Variants in PDE4B observed in about 807,000 individuals in gnomAD.
The protein encoded by PDE4B is 3',5'-cyclic-AMP phosphodiesterase 4B.
PDE4B carries 20 observed loss-of-function variants against 82.2 expected under a neutral mutation model. The observed-to-expected ratio is 0.24, with a 90% confidence interval of 0.17 to 0.35. The LOEUF (loss-of-function observed/expected upper bound fraction) is 0.35, where lower values mean the gene tolerates loss of function less well. Ranked by LOEUF, PDE4B falls within the 10% of genes least tolerant of loss-of-function variation. The probability of loss-of-function intolerance (pLI) is 1.00; values close to 1 mark genes in which losing one functional copy is unlikely to be tolerated. For synonymous variants in PDE4B, 320 were observed against 318.9 expected (o/e 1.00, Z -0.04); for missense variants, 655 against 907.2 (o/e 0.72, Z 3.57).
intron 3 of PDE4B, among the ~76,000 whole-genome samples, chr1:65,978,990 G>A (rs2100646802): frequency 6.6e-6 from 1 of 152,104 alleles, no homozygotes; most frequent in East Asian, 1.9e-4. Flanking sequence ...TATTTGAAAT[G>A]TTTGCCTAGT....
intron 3 of PDE4B, among the ~76,000 whole-genome samples, chr1:66,231,478 GA>G (rs1175806875): frequency 1.8e-4 from 27 of 152,204 alleles, no homozygotes; most frequent in African/African-American, 6.3e-4. Flanking sequence ...TGAGGAAATG[GA>G]GTTATTGACA....
At chr1:65,996,896 A>G (rs908908167) in intron 3 of PDE4B, among the ~76,000 whole-genome samples, 2 of 152,208 alleles carry the variant, frequency 1.3e-5, no homozygotes, top group African/African-American at 4.8e-5. Context: ...TCAGGTCAGC[A>G]TAGTATTTAT....
At chr1:65,823,363 T>C (rs1422299771) in intron 1 of PDE4B, among the ~76,000 whole-genome samples, 1 of 128,388 alleles carries the variant, frequency 7.8e-6, no homozygotes, top group African/African-American at 3.0e-5. Context: ...ACCATTGTAC[T>C]ACAGCCTGGC....
At chr1:66,195,252 A>C (rs1346142179) in intron 3 of PDE4B, among the ~76,000 whole-genome samples, 1 of 152,160 alleles carries the variant, frequency 6.6e-6, no homozygotes, top group Non-Finnish European at 1.5e-5. Context: ...CTACCCTGAA[A>C]AATTTATAAT....
At chr1:65,936,060 A>T (rs1316441209) in intron 3 of PDE4B, among the ~76,000 whole-genome samples, 1 of 152,086 alleles carries the variant, frequency 6.6e-6, no homozygotes. Context: ...TACGTTTTAA[A>T]GTTTTTTGTT....
chr1:65,918,869 AT>A, intron 3 of PDE4B, 34 bp downstream of exon 3: 1 of 1,291,924 alleles, frequency 7.7e-7, no homozygotes, highest in Non-Finnish European at 1.1e-6. Flanking sequence ...TCAATTCTAA[AT>A]TTTTATTTTC....
At chr1:66,287,233 A>C (rs1229117274) in intron 7 of PDE4B, among the ~76,000 whole-genome samples, 8 of 152,090 alleles carry the variant, frequency 5.3e-5, no homozygotes, top group African/African-American at 2.4e-5. Flanking sequence ...TTCGAATCCA[A>C]ACAATTCGAT....
At chr1:66,276,357 G>A (rs1414978196) in intron 7 of PDE4B, among the ~76,000 whole-genome samples, 1 of 152,202 alleles carries the variant, frequency 6.6e-6, no homozygotes, top group Non-Finnish European at 1.5e-5. Context: ...AGAACTGAAA[G>A]CTAGATCTGT....
At chr1:66,021,731 G>T (rs1653130106) in intron 3 of PDE4B, among the ~76,000 whole-genome samples, 1 of 152,166 alleles carries the variant, frequency 6.6e-6, no homozygotes, top group African/African-American at 2.4e-5. Context: ...AGTATAGTTT[G>T]AAGTCAGGTA....
chr1:65,969,417 A>G (rs1169367888), intron 3 of PDE4B, among the ~76,000 whole-genome samples: 1 of 152,190 alleles, frequency 6.6e-6, no homozygotes, highest in Non-Finnish European at 1.5e-5. Context: ...CCTAGGAAGA[A>G]GACAGCTGGG....
intron 3 of PDE4B, among the ~76,000 whole-genome samples, chr1:66,058,144 A>T (rs1357097953): frequency 1.3e-5 from 2 of 152,222 alleles, no homozygotes; most frequent in African/African-American, 4.8e-5. Flanking sequence ...GTAAGTCTGA[A>T]ATCCAGCAGG....
At chr1:65,840,763 A>G (rs571831207) in intron 1 of PDE4B, among the ~76,000 whole-genome samples, 19 of 152,294 alleles carry the variant, frequency 1.2e-4, no homozygotes, top group African/African-American at 3.4e-4. Flanking sequence ...CCTTATGTGC[A>G]TATTTTTCAC....
chr1:65,996,360 T>G (rs1344715874), intron 3 of PDE4B, among the ~76,000 whole-genome samples: 1 of 151,604 alleles, frequency 6.6e-6, no homozygotes, highest in Non-Finnish European at 1.5e-5. Context: ...TTTTTTCCCC[T>G]CAGTGGATAT....
intron 3 of PDE4B, among the ~76,000 whole-genome samples, chr1:66,003,743 G>A (rs1357538951): frequency 6.6e-6 from 1 of 152,184 alleles, no homozygotes; most frequent in African/African-American, 2.4e-5. Context: ...TAGGCCAGAA[G>A]AGAGGTCAGA....
At chr1:66,357,659 G>A (rs1285280938) in intron 9 of PDE4B, among the ~76,000 whole-genome samples, 1 of 152,020 alleles carries the variant, frequency 6.6e-6, no homozygotes, top group African/African-American at 2.4e-5. Context: ...GTGTCAGTGG[G>A]TGTATGTGTT....
chr1:66,309,494 A>C (rs989321159), intron 7 of PDE4B, among the ~76,000 whole-genome samples: 1 of 152,192 alleles, frequency 6.6e-6, no homozygotes, highest in African/African-American at 2.4e-5. Context: ...ATATGGTATG[A>C]TTCTTACTTG....
In PDE4B at chr1:65,987,909, C is replaced by T. The variant is rs567341474; in HGVS notation, c.281+69074C>T. Among the ~76,000 whole-genome samples, 17 of 152,292 alleles carry T rather than the reference C, an allele frequency of 1.1e-4. No individual in the cohort carries two copies. In the East Asian group the frequency reaches 1.7e-3, roughly 16 times the overall value. On this transcript the variant is annotated intron_variant, in intron 3 of 16. Transcript: ENST00000341517. ...AATTACAGGTGTGAGCAACTGTACC[C>T]GGACTTGCGTCTTGATATTCTTATC...
chr1:65,875,098 G>T (rs1234067197), intron 1 of PDE4B, among the ~76,000 whole-genome samples: 8 of 151,674 alleles, frequency 5.3e-5, no homozygotes, highest in East Asian at 3.9e-4. Context: ...TCAAACAAAT[G>T]TACAAGAAAA....
intron 3 of PDE4B, among the ~76,000 whole-genome samples, chr1:66,088,461 T>C (rs1644944159): frequency 6.6e-6 from 1 of 152,026 alleles, no homozygotes; most frequent in Non-Finnish European, 1.5e-5. Flanking sequence ...AATCATGAAT[T>C]CACAATGCTA....
Sources: gnomAD v4.1 joint callset for allele counts (sites outside exome capture counted in the v4.1 genomes callset) on GRCh38, gnomAD v4.1.1 for gene constraint, MANE v1.5 for transcripts, NCBI Gene and HGNC (gene_info 2026-07-23, HGNC 2026-07-21) for gene names.